The following GAREM1 variants were observed in gnomAD, a reference collection of about 807,000 sequenced individuals.
The protein encoded by GAREM1 is GRB2 associated regulator of MAPK1 subtype 1, also known as GRB2-associated and regulator of MAPK protein 1.
GAREM1 carries 26 observed loss-of-function variants against 71.3 expected under a neutral mutation model. That is an observed-to-expected ratio of 0.36 (90% CI 0.27 to 0.51). The LOEUF is 0.51. Among genes scored for constraint, GAREM1 ranks in the 20% least tolerant of loss-of-function variants. GAREM1 has a pLI of 0.95. For missense variants in GAREM1, 1,026 were observed against 1,103.1 expected (o/e 0.93, Z 0.99); for synonymous variants, 440 against 433.2 (o/e 1.02, Z -0.20).
At chr18:32,395,912 T>C (rs7234683) in intron 1 of GAREM1, among the ~76,000 whole-genome samples, 152,042 of 152,268 alleles carry the variant, frequency 1, 75,908 homozygotes, top group Middle Eastern at 1. Flanking sequence ...GAAGCACCCC[T>C]GAGTAGGGGC....
At chr18:32,349,620 A>G (rs2047728736) in intron 2 of GAREM1, among the ~76,000 whole-genome samples, 1 of 152,266 alleles carries the variant, frequency 6.6e-6, no homozygotes, top group South Asian at 2.1e-4. Flanking sequence ...AAATATAGAT[A>G]TAAAATAAAT....
chr18:32,289,946 T>G (rs2047064008), intron 3 of GAREM1, among the ~76,000 whole-genome samples: 1 of 152,146 alleles, frequency 6.6e-6, no homozygotes, highest in Non-Finnish European at 1.5e-5. Context: ...CAACAGGGAA[T>G]GTAACTGTAT....
chr18:32,271,192 T>C (rs1240543600), intron 4 of GAREM1, among the ~76,000 whole-genome samples: 2 of 152,028 alleles, frequency 1.3e-5, no homozygotes, highest in Admixed American at 6.6e-5. Context: ...ATTTTTTTAA[T>C]TTATTTTTTT....
chr18:32,339,103 C>A (rs2047625170), intron 2 of GAREM1, among the ~76,000 whole-genome samples: 1 of 152,132 alleles, frequency 6.6e-6, no homozygotes, highest in Admixed American at 6.6e-5. Flanking sequence ...AAGTAAATCT[C>A]CCTCCCTCTA....
intron 2 of GAREM1, among the ~76,000 whole-genome samples, chr18:32,362,686 A>C (rs554093107): frequency 6.6e-6 from 1 of 152,322 alleles, no homozygotes; most frequent in African/African-American, 2.4e-5. Context: ...CTAACCATCC[A>C]CTTATGCTTC....
chr18:32,333,923 G>C (rs1428364033), intron 2 of GAREM1, among the ~76,000 whole-genome samples: 1 of 152,188 alleles, frequency 6.6e-6, no homozygotes, highest in Non-Finnish European at 1.5e-5. Flanking sequence ...GCAGAGTGAA[G>C]AGAGAAGTCT....
intron 3 of GAREM1, among the ~76,000 whole-genome samples, chr18:32,290,598 T>C (rs1301633975): frequency 6.7e-6 from 1 of 148,466 alleles, no homozygotes; most frequent in Non-Finnish European, 1.5e-5. Flanking sequence ...TGAGCCAAGA[T>C]TGTGCCACTG....
chr18:32,446,209 T>C (rs2048784120), intron 1 of GAREM1, among the ~76,000 whole-genome samples: 1 of 149,098 alleles, frequency 6.7e-6, no homozygotes, highest in African/African-American at 2.5e-5. Context: ...TTTCTCAGAC[T>C]GTAAGTTCCC....
At chr18:32,449,535 T>A (rs2048814409) in intron 1 of GAREM1, among the ~76,000 whole-genome samples, 1 of 151,860 alleles carries the variant, frequency 6.6e-6, no homozygotes. Flanking sequence ...TTAAAAAAAA[T>A]TAGTTGGGTG....
At chr18:32,269,728 C>T (rs1479087006) in intron 5 of GAREM1, among the ~76,000 whole-genome samples, 3 of 152,102 alleles carry the variant, frequency 2.0e-5, no homozygotes, top group African/African-American at 7.2e-5. Flanking sequence ...AGAATGATCT[C>T]AGAGCACTGG....
chr18:32,415,905 T>C (rs1017270505), intron 1 of GAREM1, among the ~76,000 whole-genome samples: 2 of 152,024 alleles, frequency 1.3e-5, no homozygotes, highest in African/African-American at 4.8e-5. Context: ...ATAAAGAGCA[T>C]CCAAATTGGA....
At chr18:32,380,805 C>G (rs1336464127) in intron 2 of GAREM1, among the ~76,000 whole-genome samples, 1 of 152,028 alleles carries the variant, frequency 6.6e-6, no homozygotes, top group Non-Finnish European at 1.5e-5. Flanking sequence ...TGGGTGCAAA[C>G]TTTCAACTTT....
intron 2 of GAREM1, among the ~76,000 whole-genome samples, chr18:32,332,906 T>C (rs1261026704): frequency 2.0e-5 from 3 of 151,830 alleles, no homozygotes; most frequent in East Asian, 1.9e-4. Context: ...CAGTGGCCAA[T>C]ATAGTGGCCT....
intron 5 of GAREM1, 57 bp from the exon 6 acceptor site, chr18:32,268,825 G>C (rs1481319050): frequency 2.0e-6 from 3 of 1,473,958 alleles, no homozygotes; most frequent in East Asian, 4.6e-5. Context: ...AAATCCCAAG[G>C]CTTTTGTTAT....
At chr18:32,381,006 T>C (rs914604149) in intron 2 of GAREM1, among the ~76,000 whole-genome samples, 17 of 151,848 alleles carry the variant, frequency 1.1e-4, no homozygotes, top group African/African-American at 3.9e-4. Flanking sequence ...TTTTTATATA[T>C]AGAACAAAGA....
Position 32,420,755 on chromosome 18 carries a change from G to GAAAAAAAA in GAREM1, c.122-27728_122-27721dup, listed in dbSNP as rs10683034. ...GTGAGACCCCCTTCTCTTCAAAAAT[G>GAAAAAAAA]AAAAAAAAAAAAAAATAGAATCCCA... On this transcript the variant is annotated intron_variant, in intron 1 of 5. Coordinates refer to ENST00000269209, the MANE Select transcript of GAREM1 (RefSeq NM_001242409.2). Among the ~76,000 whole-genome samples, 13 of 123,212 alleles carry GAAAAAAAA rather than the reference G, an allele frequency of 1.1e-4. 1 individual carries two copies. Among genetic ancestry groups the GAAAAAAAA allele is most frequent in the African/African-American group, 2.9e-4 (10 of 34,686 alleles). The allele number at this position is 123,212 out of a possible 152,430, so 80.8% of individuals were successfully genotyped here.
Position 32,270,386 on chromosome 18 carries a change from G to A in GAREM1, c.1567-3C>T. On this transcript the variant is annotated splice_region_variant and splice_polypyrimidine_tract_variant and intron_variant, in intron 4 of 5. Transcript: ENST00000269209. ...AGGAGCCGGCATTCTTCTCTGACCT[G>A]GCGCAGAAAAGAACACTCCAGGTTA... is the stretch of plus-strand genomic sequence containing the variant. 6.2e-7 allele frequency: 1 copy of A among 1,608,800 alleles called. No individual in the cohort carries two copies. The highest frequency in any genetic ancestry group is 8.5e-7 in the Non-Finnish European group (1 of 1,177,876).
At position 32,305,765 on chromosome 18, in the gene GAREM1, C is replaced by T. The variant is rs145249579; in HGVS notation, c.393+4428G>A. Among the ~76,000 whole-genome samples, 996 of 152,300 alleles carry T rather than the reference C, an allele frequency of 6.5e-3. 9 individuals are homozygous for T. Among genetic ancestry groups the T allele is most frequent in the African/African-American group, 0.022 (921 of 41,566 alleles). ...GAACTCCTGACCTCAAGTGATCCACCCGCTTTGGCCTCCCAAAGTGCTGGG... is the reference window on the plus strand; with the variant it reads ...GAACTCCTGACCTCAAGTGATCCACTCGCTTTGGCCTCCCAAAGTGCTGGG... On this transcript the variant is annotated intron_variant, in intron 3 of 5. Transcript: ENST00000269209.
At chr18:32,412,384 T>C (rs1323718191) in intron 1 of GAREM1, 2 of 1,588,904 alleles carry the variant, frequency 1.3e-6, no homozygotes, top group Non-Finnish European at 1.7e-6. Flanking sequence ...TTGTTGTAAT[T>C]GCCAAAATCA....
Sources: gnomAD v4.1 joint callset for allele counts (sites outside exome capture counted in the v4.1 genomes callset) on GRCh38, gnomAD v4.1.1 for gene constraint, MANE v1.5 for transcripts, NCBI Gene and HGNC (gene_info 2026-07-23, HGNC 2026-07-21) for gene names.